Variants in LARP4B observed in about 807,000 individuals in gnomAD.
The protein encoded by LARP4B is La ribonucleoprotein 4B.
A neutral mutation model predicts 89.8 loss-of-function variants in LARP4B; 12 were observed. The ratio of observed to expected loss-of-function variants is 0.13; its 90% CI spans 0.09 to 0.22. The LOEUF (loss-of-function observed/expected upper bound fraction) is 0.22, where lower values mean the gene tolerates loss of function less well. LARP4B is among the 10% of genes least tolerant of loss of function. LARP4B has a pLI of 1.00. For synonymous variants in LARP4B, 367 were observed against 363.3 expected, an observed-to-expected ratio of 1.01 and a Z score of -0.12; for missense variants, 757 against 947.7, an observed-to-expected ratio of 0.80 and a Z score of 2.64.
intron 1 of LARP4B, among the ~76,000 whole-genome samples, chr10:927,286 G>A (rs556517176): frequency 6.6e-5 from 10 of 152,028 alleles, no homozygotes; most frequent in South Asian, 2.1e-4. Flanking sequence ...ATGGGGTGGC[G>A]GGGGGGCAGT....
At chr10:884,628 T>G in intron 2 of LARP4B, 122 bp from the exon 3 acceptor site, 1 of 632,090 alleles carries the variant, frequency 1.6e-6, no homozygotes, top group Non-Finnish European at 2.8e-6. Context: ...CATGACAAAT[T>G]CATGAATTCA....
At chr10:859,995 C>A (rs901061326) in intron 5 of LARP4B, among the ~76,000 whole-genome samples, 2 of 151,716 alleles carry the variant, frequency 1.3e-5, no homozygotes, top group African/African-American at 4.8e-5. Context: ...ACGTACAACA[C>A]CAAGAGTGAG....
the LARP4B span, among the ~76,000 whole-genome samples, chr10:946,730 T>C: frequency 2.0e-5 from 3 of 152,200 alleles, no homozygotes; most frequent in Non-Finnish European, 4.4e-5. Flanking sequence ...AGAGCAGTTA[T>C]ATCAATTTTT....
At chr10:915,615 T>C (rs10904580) in intron 1 of LARP4B, among the ~76,000 whole-genome samples, 1 of 151,862 alleles carries the variant, frequency 6.6e-6, no homozygotes, top group South Asian at 2.1e-4. Flanking sequence ...CCATCCTGGC[T>C]AACACGGTGA....
the LARP4B span, among the ~76,000 whole-genome samples, chr10:968,791 C>T: frequency 3.2e-4 from 49 of 152,344 alleles, 2 homozygotes; most frequent in South Asian, 9.7e-3. Context: ...AGCGCCTTCG[C>T]GTATGATGGC....
intron 1 of LARP4B, among the ~76,000 whole-genome samples, chr10:908,252 G>A (rs1444533469): frequency 2.6e-5 from 4 of 152,148 alleles, no homozygotes; most frequent in African/African-American, 7.2e-5. Context: ...GGAGCTTCCA[G>A]ATAGCTGAAC....
chr10:936,473 A>G (rs527975664), upstream of LARP4B, among the ~76,000 whole-genome samples: 1 of 152,300 alleles, frequency 6.6e-6, no homozygotes, highest in African/African-American at 2.4e-5. Flanking sequence ...TAATCCCAGC[A>G]TGTTGGGAGG....
chr10:966,587 C>T, the LARP4B span, among the ~76,000 whole-genome samples: 7 of 152,380 alleles, frequency 4.6e-5, no homozygotes, highest in Non-Finnish European at 8.8e-5. Flanking sequence ...GAGCTGCAGG[C>T]AAGCACATTT....
chr10:964,422 GT>G, the LARP4B span, among the ~76,000 whole-genome samples: 132,918 of 150,818 alleles, frequency 0.88, 58,703 homozygotes, highest in East Asian at 0.9. Flanking sequence ...AGTTATATCT[GT>G]TTTTTTTTTT....
At chr10:947,764 G>A in the LARP4B span, among the ~76,000 whole-genome samples, 1 of 152,068 alleles carries the variant, frequency 6.6e-6, no homozygotes, top group African/African-American at 2.4e-5. Flanking sequence ...TGGGATTACA[G>A]GGATGCGCCA....
intron 5 of LARP4B, among the ~76,000 whole-genome samples, chr10:858,899 C>T (rs754068156): frequency 5.3e-5 from 8 of 152,190 alleles, no homozygotes; most frequent in Non-Finnish European, 8.8e-5. Flanking sequence ...TGCCTGTAAT[C>T]ACAGCACTTT....
intron 1 of LARP4B, among the ~76,000 whole-genome samples, chr10:927,039 CAA>C (rs780081413): frequency 2.0e-4 from 20 of 98,262 alleles, no homozygotes; most frequent in Admixed American, 4.5e-4. Context: ...GACTCGGTCT[CAA>C]AAAAAAAAAA....
intron 3 of LARP4B, among the ~76,000 whole-genome samples, chr10:867,992 C>T (rs189657452): frequency 1.8e-4 from 28 of 151,798 alleles, no homozygotes; most frequent in African/African-American, 6.0e-4. Flanking sequence ...CAGCCACATT[C>T]CAAAGTGAAC....
At chr10:836,281 T>A (rs1168408301) in intron 8 of LARP4B, 122 bp downstream of exon 8, 2 of 641,950 alleles carry the variant, frequency 3.1e-6, no homozygotes, top group Non-Finnish European at 5.5e-6. Context: ...AAAACAGTGT[T>A]AATGTAAGTA....
chr10:844,293 G>A (rs1404062681), intron 6 of LARP4B, among the ~76,000 whole-genome samples: 1 of 152,222 alleles, frequency 6.6e-6, no homozygotes, highest in African/African-American at 2.4e-5. Context: ...TCATGGTGCG[G>A]TATTCTCAGA....
the LARP4B span, chr10:986,251 C>T: frequency 6.6e-6 from 1 of 152,114 alleles, no homozygotes; most frequent in Non-Finnish European, 1.5e-5. Context: ...TGCAGAGTAC[C>T]CTTGAGAGCA....
At chr10:846,607 T>C (rs895643497) in intron 5 of LARP4B, among the ~76,000 whole-genome samples, 1 of 151,848 alleles carries the variant, frequency 6.6e-6, no homozygotes, top group Non-Finnish European at 1.5e-5. Flanking sequence ...TGTGTGTGAG[T>C]GAGATCAAGG....
the LARP4B span, among the ~76,000 whole-genome samples, chr10:954,116 C>T: frequency 2.6e-5 from 4 of 152,210 alleles, no homozygotes; most frequent in Non-Finnish European, 4.4e-5. The surrounding 1 kb of genome is among the most constrained non-coding windows in gnomAD (Gnocchi z 5.0). Flanking sequence ...GTCCGAGGCA[C>T]GCAGGCTGGA....
At chr10:962,195 C>G in the LARP4B span, among the ~76,000 whole-genome samples, 1 of 150,138 alleles carries the variant, frequency 6.7e-6, no homozygotes, top group African/African-American at 2.5e-5. Context: ...ATTTGGGAGG[C>G]TGAGGCAGGA....
Sources: gnomAD v4.1 joint callset for allele counts (sites outside exome capture counted in the v4.1 genomes callset) on GRCh38, gnomAD v4.1.1 for gene constraint, Gnocchi (gnomAD v3.1) non-coding constraint, MANE v1.5 for transcripts, NCBI Gene and HGNC (gene_info 2026-07-23, HGNC 2026-07-21) for gene names.